The following PIK3C2B variants were observed in gnomAD, a reference collection of about 807,000 sequenced individuals.
PIK3C2B encodes phosphatidylinositol 4-phosphate 3-kinase C2 domain-containing subunit beta.
A neutral mutation model predicts 184.3 loss-of-function variants in PIK3C2B; 83 were observed. That is an observed-to-expected ratio of 0.45 (90% confidence interval 0.38 to 0.54). PIK3C2B has a LOEUF of 0.54. Among genes scored for constraint, PIK3C2B ranks in the 20% least tolerant of loss-of-function variants. PIK3C2B has a pLI of 0.00. For missense variants in PIK3C2B, 1,736 were observed against 2,113.5 expected (o/e 0.82, Z 3.50); for synonymous variants, 779 against 837.6 (o/e 0.93, Z 1.21).
chr1:204,443,658 G>T, intron 18 of PIK3C2B, 61 bp from the exon 19 acceptor site: 1 of 1,488,750 alleles, frequency 6.7e-7, no homozygotes, highest in South Asian at 1.2e-5. Context: ...AGGGTACAGG[G>T]GGAGACAGAG....
At chr1:204,431,310 G>A (rs1675042755) in intron 28 of PIK3C2B, 2 of 278,894 alleles carry the variant, frequency 7.2e-6, no homozygotes, top group Non-Finnish European at 1.4e-5. Context: ...TGTTACCCGT[G>A]TCGAAATCTC....
chr1:204,492,615 C>T (rs1658079996), intron 1 of PIK3C2B, among the ~76,000 whole-genome samples: 1 of 152,112 alleles, frequency 6.6e-6, no homozygotes, highest in Admixed American at 6.5e-5. Context: ...CCAGAGCATA[C>T]TAGGTCATGA....
At chr1:204,467,222 A>G in intron 2 of PIK3C2B, 1 of 282,254 alleles carries the variant, frequency 3.5e-6, no homozygotes, top group South Asian at 3.3e-5. Flanking sequence ...TGACTCAGTG[A>G]GCAGGCCCAG....
rs1207036302 is a variant in PIK3C2B at position 204,432,344 on chromosome 1, A to G, written c.4011T>C (p.Asn1337=). 2 of 1,614,064 alleles carry G rather than the reference A, an allele frequency of 1.2e-6. No homozygotes were observed. The highest frequency in any genetic ancestry group is 1.3e-5 in the African/African-American group (1 of 74,920). Residue 1337 remains asparagine (N), a synonymous_variant, in exon 27 of 33, where the codon AAT becomes AAC. Coordinates refer to ENST00000684373, the MANE Select transcript of PIK3C2B (RefSeq NM_001377334.1). ...AGCCCGTGAACTTCATCTGAGCCAGATTATGGATGAAAAAATTGAGCTTTG... is the reference window on the plus strand; with the variant it reads ...AGCCCGTGAACTTCATCTGAGCCAGGTTATGGATGAAAAAATTGAGCTTTG... The part of the protein sequence containing the change: ...VATKLNFFIH[N]LAQMKFTGSD...
At chr1:204,429,181 T>C (rs1316255338) in intron 29 of PIK3C2B, among the ~76,000 whole-genome samples, 1 of 152,156 alleles carries the variant, frequency 6.6e-6, no homozygotes, top group African/African-American at 2.4e-5. Context: ...TGAGCTGTGA[T>C]TGTGCCACTG....
intron 5 of PIK3C2B, among the ~76,000 whole-genome samples, chr1:204,462,337 C>T (rs1341081040): frequency 2.0e-5 from 3 of 149,074 alleles, no homozygotes; most frequent in Non-Finnish European, 4.5e-5. Context: ...GACTTCTCTC[C>T]GTGGGCTGCT....
In PIK3C2B at chr1:204,469,572, G is replaced by A. The variant is rs1261059473; in HGVS notation, c.231C>T (p.Asp77=). ...FYSKPAGRRT[D]LKLLRGLSGS... Reference sequence around the variant, plus strand: ...CAGAGAGACCGCGTAACAGCTTGAGGTCGGTCCGCCTTCCTGCTGGCTTGC... The same window carrying A: ...CAGAGAGACCGCGTAACAGCTTGAGATCGGTCCGCCTTCCTGCTGGCTTGC... Residue 77 remains aspartate, a synonymous_variant, in exon 2 of 33, where the codon GAC becomes GAT. Coordinates refer to ENST00000684373, the MANE Select transcript of PIK3C2B (RefSeq NM_001377334.1). The A allele has an allele frequency of 6.3e-7, 1 of 1,593,248 alleles. No individual in the cohort carries two copies. Among genetic ancestry groups the A allele is most frequent in the South Asian group, 1.1e-5 (1 of 87,290 alleles).
intron 1 of PIK3C2B, among the ~76,000 whole-genome samples, chr1:204,492,812 T>C (rs1288282815): frequency 1.3e-5 from 2 of 152,064 alleles, no homozygotes; most frequent in African/African-American, 2.4e-5. Flanking sequence ...GATTCAGCCA[T>C]ACACACTCAG....
At chr1:204,439,909 T>C (rs917922687) in intron 22 of PIK3C2B, among the ~76,000 whole-genome samples, 2 of 152,234 alleles carry the variant, frequency 1.3e-5, no homozygotes, top group African/African-American at 4.8e-5. Flanking sequence ...ATTACAGGCA[T>C]GAGCTAGCAT....
In PIK3C2B at chr1:204,454,641, G is replaced by C. The variant is rs1218612764; in HGVS notation, c.2066+28C>G. ...GGCTGAGCAGGTCTACAGTGGCCTG[G>C]GCACTGAAGCCTGGGGGAAGGGCTT... On this transcript the variant is annotated intron_variant, in intron 12 of 32. Coordinates refer to ENST00000684373, the MANE Select transcript of PIK3C2B (RefSeq NM_001377334.1). The C allele has an allele frequency of 1.9e-6, 3 of 1,610,922 alleles. No individual in the cohort carries two copies. The South Asian group carries it at 3.3e-5, about 18-fold the overall frequency.
In PIK3C2B at chr1:204,484,885, C is replaced by T. The variant is rs1657462810; in HGVS notation, c.-85+9471G>A. 2.0e-5 allele frequency among the ~76,000 whole-genome samples: 3 copies of T among 152,134 alleles called. No homozygotes were observed. In the South Asian group the frequency reaches 6.2e-4, roughly 32 times the overall value. On this transcript the variant is annotated intron_variant, in intron 1 of 32. Coordinates refer to ENST00000684373, the MANE Select transcript of PIK3C2B (RefSeq NM_001377334.1). Reference sequence around the variant, plus strand: ...AACAAGCAAAGCAAACAAACACACCCCACAGTTTGGTAGACAAGAGAACCA... The same window carrying T: ...AACAAGCAAAGCAAACAAACACACCTCACAGTTTGGTAGACAAGAGAACCA...
chr1:204,441,520 G>A lies in PIK3C2B; in HGVS notation c.3200C>T (p.Ser1067Phe), dbSNP rs764215036. The A allele has an allele frequency of 1.4e-5, 22 of 1,613,522 alleles. No individual in the cohort carries two copies. Among genetic ancestry groups the A allele is most frequent in the Non-Finnish European group, 1.9e-5 (22 of 1,179,430 alleles). Reference protein sequence around the residue: ...FNSNAVPLKLSFQNVDPLGEN... With the variant: ...FNSNAVPLKLFFQNVDPLGEN... ...ACCCAGGGGATCCACATTTTGGAAG[G>A]AGAGTTTGAGGGGGACAGCATTGGA... The change falls in exon 21 of 33, where the codon TCC becomes TTC. Residue 1067 changes from serine (S) to phenylalanine (F), a missense_variant. This residue lies in a region of PIK3C2B where 289 missense variants were observed against 380.4 expected (regional missense o/e 0.76). Coordinates refer to ENST00000684373, the MANE Select transcript of PIK3C2B (RefSeq NM_001377334.1).
intron 12 of PIK3C2B, among the ~76,000 whole-genome samples, chr1:204,450,397 C>T (rs1321848960): frequency 3.9e-5 from 6 of 152,066 alleles, no homozygotes; most frequent in South Asian, 2.1e-4. Flanking sequence ...GCAGAGGGTC[C>T]GCAAAGCTAC....
chr1:204,482,514 T>A (rs1657250202), intron 1 of PIK3C2B, among the ~76,000 whole-genome samples: 1 of 152,082 alleles, frequency 6.6e-6, no homozygotes, highest in South Asian at 2.1e-4. Flanking sequence ...GAAGGCTGGG[T>A]GCAGTGGCTC....
chr1:204,428,188 C>A lies in PIK3C2B; in HGVS notation c.4431G>T (p.Leu1477=). ...CDLVYTFFHP[L]PRDEKAMGTS... The stretch of plus-strand genomic sequence containing the variant: ...TGCCCATAGCCTTCTCATCCCGGGG[C>A]AGTGGGTGGAAGAAGGTGTACACCA... Residue 1477 remains leucine, a synonymous_variant, in exon 30 of 33, where the codon CTG becomes CTT. Coordinates refer to ENST00000684373, the MANE Select transcript of PIK3C2B (RefSeq NM_001377334.1). 1 of 1,613,012 alleles carries A rather than the reference C, an allele frequency of 6.2e-7. No individual in the cohort carries two copies. The highest frequency in any genetic ancestry group is 8.5e-7 in the Non-Finnish European group (1 of 1,179,132).
intron 21 of PIK3C2B, 58 bp downstream of exon 21, chr1:204,441,413 A>G: frequency 9.0e-7 from 1 of 1,113,068 alleles, no homozygotes; most frequent in Non-Finnish European, 1.4e-6. Flanking sequence ...ATGCCACTCT[A>G]GGCTGCCTCC....
chr1:204,429,206 T>C (rs1674908212), intron 29 of PIK3C2B, among the ~76,000 whole-genome samples: 1 of 152,164 alleles, frequency 6.6e-6, no homozygotes, highest in Non-Finnish European at 1.5e-5. Context: ...CCAGACTGAA[T>C]GACAGGGCAA....
In PIK3C2B at chr1:204,468,932, A is replaced by C. The variant is rs1343594943; in HGVS notation, c.871T>G (p.Ser291Ala). The C allele has an allele frequency of 3.1e-6, 5 of 1,611,234 alleles. No homozygotes were observed. The highest frequency in any genetic ancestry group is 4.2e-6 in the Non-Finnish European group (5 of 1,178,276). ...GCATTCTTTCGGTTGCCATAGCGGG[A>C]GGCATAGGTGCGGGGGGGCACCTGA... ...PPQVPPRTYA[S>A]RYGNRKNATP... The change falls in exon 2 of 33, where the codon TCC becomes GCC. Residue 291 changes from serine (S) to alanine (A), a missense_variant. Ser to Ala is a moderately conservative substitution (Grantham distance 99, BLOSUM62 1). Coordinates refer to ENST00000684373, the MANE Select transcript of PIK3C2B (RefSeq NM_001377334.1).
Position 204,449,852 on chromosome 1 carries a change from C to T in PIK3C2B, c.2232G>A (p.Arg744=), listed in dbSNP as rs779635986. 43 of 1,607,222 alleles carry T rather than the reference C, an allele frequency of 2.7e-5. No homozygotes were observed. Among genetic ancestry groups the T allele is most frequent in the Non-Finnish European group, 3.6e-5 (42 of 1,176,680 alleles). The change falls in exon 13 of 33, where the codon AGG becomes AGA. Residue 744 remains arginine (R), a splice_region_variant and synonymous_variant. Coordinates refer to ENST00000684373, the MANE Select transcript of PIK3C2B (RefSeq NM_001377334.1). ...GWVTTPLFNF[R]QVLTCGRKLL... is the part of the protein sequence containing the mutation. ...GCTGTACCCTGGGGCTCACATACTG[C>T]CTGAAGTTGAAGAGTGGGGTAGTGA...
Sources: allele counts gnomAD v4.1 joint callset (sites outside exome capture counted in the v4.1 genomes callset), GRCh38; gene constraint gnomAD v4.1.1; regional missense constraint gnomAD v4.1.1; transcripts MANE v1.5; gene names NCBI Gene and HGNC (gene_info 2026-07-23, HGNC 2026-07-21).